The following CRABP1 variants were observed in gnomAD, a reference collection of about 807,000 sequenced individuals.
CRABP1 encodes the protein cellular retinoic acid binding protein 1, also known as cellular retinoic acid-binding protein 1.
CRABP1 carries 9 observed loss-of-function variants against 16.4 expected under a neutral mutation model. The observed-to-expected ratio is 0.55, with a 90% CI of 0.33 to 0.96. The LOEUF is 0.96. Ranked by LOEUF, CRABP1 falls within the 40% of genes least tolerant of loss-of-function variation. The pLI, the probability that CRABP1 is intolerant of heterozygous loss-of-function variation, is 0.03. For missense variants in CRABP1, 157 were observed against 186.0 expected (o/e 0.84, Z 0.91); for synonymous variants, 72 against 70.4 (o/e 1.02, Z -0.11).
chr15:78,341,146 G>A lies in CRABP1; in HGVS notation c.174G>A (p.Thr58=), dbSNP rs1034179829. The change falls in exon 2 of 4, where the codon ACG becomes ACA. Residue 58 remains threonine (T), a synonymous_variant. Coordinates refer to ENST00000299529, the MANE Select transcript of CRABP1 (RefSeq NM_004378.3). The surrounding 1 kb of genome is among the most constrained non-coding windows in gnomAD (Gnocchi z 5.3). The part of the protein sequence containing the change: ...GDQFYIKTST[T]VRTTEINFKV... Reference sequence around the variant, plus strand: ...AGTTCTACATCAAGACATCCACCACGGTGCGCACCACTGAGATCAACTTCA... The same window carrying A: ...AGTTCTACATCAAGACATCCACCACAGTGCGCACCACTGAGATCAACTTCA... The A allele has an allele frequency of 6.2e-7, 1 of 1,612,872 alleles. No homozygotes were observed. The highest frequency in any genetic ancestry group is 8.5e-7 in the Non-Finnish European group (1 of 1,179,562).
At position 78,341,440 on chromosome 15, in the gene CRABP1, C is replaced by A; in HGVS notation, c.249+219C>A. ...CCATCTCAACCCCATCCCTACGCTG[C>A]CTCCCGGGGTGCTAACAGCCGCGCT... On this transcript the variant is annotated intron_variant, in intron 2 of 3. Transcript: ENST00000299529. The surrounding 1 kb of genome is among the most constrained non-coding windows in gnomAD (Gnocchi z 5.3). 1 of 567,012 alleles carries A rather than the reference C, an allele frequency of 1.8e-6. No individual in the cohort carries two copies. The allele number at this position is 567,012 out of a possible 1,614,324, so 35.1% of individuals were successfully genotyped here.
intron 3 of CRABP1, among the ~76,000 whole-genome samples, chr15:78,346,622 T>TCAC (rs2050267021): frequency 6.6e-6 from 1 of 152,210 alleles, no homozygotes; most frequent in South Asian, 2.1e-4. Context: ...TGAGCTGACA[T>TCAC]CACACCATTG....
rs777037680 is a variant in CRABP1 at position 78,340,405 on chromosome 15, C to T, written c.-24C>T. ...GCCCGCTGCGCCGCCGCTGTCCGTA[C>T]CTGCCGCCGCCGCCACCGCCACCAT... is the stretch of plus-strand genomic sequence containing the variant. On this transcript the variant is annotated 5_prime_UTR_variant, in exon 1 of 4. Transcript: ENST00000299529. 5 of 1,575,906 alleles carry T rather than the reference C, an allele frequency of 3.2e-6. No homozygotes were observed. In the African/African-American group the frequency reaches 5.4e-5, roughly 17 times the overall value.
chr15:78,340,584 G>A, intron 1 of CRABP1, 86 bp downstream of exon 1: 1 of 1,486,516 alleles, frequency 6.7e-7, no homozygotes, highest in Non-Finnish European at 9.1e-7. Flanking sequence ...CCTGGAGGGG[G>A]TGGAAGTTGG....
intron 1 of CRABP1, 125 bp downstream of exon 1, chr15:78,340,623 G>C (rs1317423858): frequency 1.9e-6 from 2 of 1,060,898 alleles, no homozygotes; most frequent in African/African-American, 3.2e-5. Context: ...AGTCCCCGGG[G>C]CAATAGATCG....
Position 78,341,070 on chromosome 15 carries a change from C to T in CRABP1, c.98C>T (p.Ala33Val). Residue 33 changes from alanine to valine, a missense_variant, in exon 2 of 4, where the codon GCC becomes GTC. Coordinates refer to ENST00000299529, the MANE Select transcript of CRABP1 (RefSeq NM_004378.3). This position sits in a 1 kb window ranked among gnomAD's most constrained non-coding sequence, Gnocchi z 5.3. Reference protein sequence around the residue: ...LGVNAMLRKVAVAAASKPHVE... With the variant: ...LGVNAMLRKVVVAAASKPHVE... The stretch of plus-strand genomic sequence containing the variant: ...GTGAACGCCATGCTGAGGAAAGTGG[C>T]CGTAGCGGCTGCGTCCAAGCCGCAC... 2.5e-6 allele frequency: 4 copies of T among 1,610,404 alleles called. No individual in the cohort carries two copies. The highest frequency in any genetic ancestry group is 2.5e-6 in the Non-Finnish European group (3 of 1,179,830).
intron 3 of CRABP1, among the ~76,000 whole-genome samples, chr15:78,347,264 C>G (rs946424553): frequency 2.0e-5 from 3 of 152,168 alleles, no homozygotes; most frequent in Admixed American, 6.5e-5. Context: ...CCCCTCTCCT[C>G]AACACCAGCC....
chr15:78,341,301 C>A lies in CRABP1; in HGVS notation c.249+80C>A. 1 of 1,504,724 alleles carries A rather than the reference C, an allele frequency of 6.6e-7. No homozygotes were observed. Among genetic ancestry groups the A allele is most frequent in the Non-Finnish European group, 9.1e-7 (1 of 1,101,996 alleles). The allele number at this position is 1,504,724 out of a possible 1,614,324, so 93.2% of individuals were successfully genotyped here. A position where few individuals can be genotyped will look rare whatever the true frequency, so the allele number is the denominator to read the frequency against. ...CCACTGCTGCTGGAGGAACCTGTGT[C>A]TCCCTTTGCAGCCTGTGGCGCGCCT... On this transcript the variant is annotated intron_variant, in intron 2 of 3. Coordinates refer to ENST00000299529, the MANE Select transcript of CRABP1 (RefSeq NM_004378.3). This position sits in a 1 kb window ranked among gnomAD's most constrained non-coding sequence, Gnocchi z 5.3.
At chr15:78,346,539 T>C (rs2141528754) in intron 3 of CRABP1, among the ~76,000 whole-genome samples, 1 of 152,196 alleles carries the variant, frequency 6.6e-6, no homozygotes, top group Middle Eastern at 3.4e-3. Context: ...CATGGTGGTG[T>C]ATGCCTGTAA....
At position 78,348,005 on chromosome 15, in the gene CRABP1, G is replaced by C; in HGVS notation, c.*28G>C. 1 of 1,611,502 alleles carries C rather than the reference G, an allele frequency of 6.2e-7. No individual in the cohort carries two copies. The highest frequency in any genetic ancestry group is 8.5e-7 in the Non-Finnish European group (1 of 1,177,890). On this transcript the variant is annotated 3_prime_UTR_variant, in exon 4 of 4. Transcript: ENST00000299529. ...GCAGCTGGCTTGCTCCTACTTTCAG[G>C]AAGGGATGCAGGCTCCCCTGAGGAA...
chr15:78,344,219 G>T (rs2050252003), intron 3 of CRABP1, among the ~76,000 whole-genome samples: 1 of 152,144 alleles, frequency 6.6e-6, no homozygotes, highest in South Asian at 2.1e-4. Flanking sequence ...CCAGCATTCT[G>T]GGGGGCCAAA....
In CRABP1 at chr15:78,341,614, T is replaced by C; in HGVS notation, c.249+393T>C. On this transcript the variant is annotated intron_variant, in intron 2 of 3. Transcript: ENST00000299529. This position sits in a 1 kb window ranked among gnomAD's most constrained non-coding sequence, Gnocchi z 5.3. ...GGTGAAGCCGCAGCTCTTGCATTCC[T>C]TTCCCGCCGTATCCCCCGCGCCCGC... 3.5e-6 allele frequency: 1 copy of C among 288,692 alleles called. No individual in the cohort carries two copies. 17.9% of individuals were successfully genotyped at this position (288,692 alleles called of 1,614,324 possible).
Position 78,341,146 on chromosome 15 carries a change from G to C in CRABP1, c.174G>C (p.Thr58=). The C allele has an allele frequency of 6.2e-7, 1 of 1,612,872 alleles. No individual in the cohort carries two copies. Among genetic ancestry groups the C allele is most frequent in the Non-Finnish European group, 8.5e-7 (1 of 1,179,562 alleles). Residue 58 remains threonine, a synonymous_variant, in exon 2 of 4, where the codon ACG becomes ACC. Coordinates refer to ENST00000299529, the MANE Select transcript of CRABP1 (RefSeq NM_004378.3). The surrounding 1 kb of genome is among the most constrained non-coding windows in gnomAD (Gnocchi z 5.3). The stretch of plus-strand genomic sequence containing the variant: ...AGTTCTACATCAAGACATCCACCAC[G>C]GTGCGCACCACTGAGATCAACTTCA... ...GDQFYIKTST[T]VRTTEINFKV... is the part of the protein sequence containing the mutation.
Position 78,343,624 on chromosome 15 carries a change from T to C in CRABP1, c.363+12T>C, listed in dbSNP as rs2050248181. 1 of 1,611,148 alleles carries C rather than the reference T, an allele frequency of 6.2e-7. No individual in the cohort carries two copies. Among genetic ancestry groups the C allele is most frequent in the East Asian group, 2.2e-5 (1 of 44,862 alleles). On this transcript the variant is annotated intron_variant, in intron 3 of 3. Transcript: ENST00000299529. Reference sequence around the variant, plus strand: ...ATGAACTTATCCTGGTAGGGAACCCTTGACCCTGAAATAATCCTGAAGTTC... The same window carrying C: ...ATGAACTTATCCTGGTAGGGAACCCCTGACCCTGAAATAATCCTGAAGTTC...
chr15:78,346,742 G>A (rs1043261603), intron 3 of CRABP1, among the ~76,000 whole-genome samples: 1 of 152,172 alleles, frequency 6.6e-6, no homozygotes, highest in Non-Finnish European at 1.5e-5. Context: ...TGAAGCACAC[G>A]TGTCAGGATA....
At chr15:78,343,356 C>A (rs2050245966) in intron 2 of CRABP1, 143 bp from the exon 3 acceptor site, 1 of 668,396 alleles carries the variant, frequency 1.5e-6, no homozygotes, top group Non-Finnish European at 2.6e-6. Flanking sequence ...CTTTATAAGG[C>A]TCAGCGGAGA....
intron 3 of CRABP1, among the ~76,000 whole-genome samples, chr15:78,346,129 C>T (rs150323658): frequency 2.0e-5 from 3 of 152,168 alleles, no homozygotes; most frequent in Non-Finnish European, 2.9e-5. Flanking sequence ...CAGGGTACAG[C>T]GTTCAATACC....
Position 78,341,220 on chromosome 15 carries a change from G to T in CRABP1, c.248G>T (p.Arg83Met), listed in dbSNP as rs1405768342. ...EEETVDGRKC[R>M]SLATWENENK... ...GAGACCGTGGACGGACGCAAGTGCA[G>T]GGTGAGGCCCCAGAGCCACTACAGC... is the stretch of plus-strand genomic sequence containing the variant. Residue 83 changes from arginine (R) to methionine (M), a missense_variant and splice_region_variant, in exon 2 of 4, where the codon AGG becomes ATG. Coordinates refer to ENST00000299529, the MANE Select transcript of CRABP1 (RefSeq NM_004378.3). The surrounding 1 kb of genome is among the most constrained non-coding windows in gnomAD (Gnocchi z 5.3). 2 of 1,608,040 alleles carry T rather than the reference G, an allele frequency of 1.2e-6. No homozygotes were observed. Among genetic ancestry groups the T allele is most frequent in the African/African-American group, 2.7e-5 (2 of 74,842 alleles).
At chr15:78,347,539 A>G (rs567069991) in intron 3 of CRABP1, among the ~76,000 whole-genome samples, 3 of 152,188 alleles carry the variant, frequency 2.0e-5, no homozygotes, top group African/African-American at 7.2e-5. Flanking sequence ...GGGCCTCATG[A>G]CCCCAGCTGC....
Sources: allele counts gnomAD v4.1 joint callset (sites outside exome capture counted in the v4.1 genomes callset), GRCh38; gene constraint gnomAD v4.1.1; non-coding constraint Gnocchi (gnomAD v3.1); transcripts MANE v1.5; gene names NCBI Gene and HGNC (gene_info 2026-07-23, HGNC 2026-07-21).